Variants in MACROD2 observed in about 807,000 individuals in gnomAD.
The protein encoded by MACROD2 is mono-ADP ribosylhydrolase 2, also known as ADP-ribose glycohydrolase MACROD2.
In MACROD2, 36 loss-of-function variants were observed where a neutral mutation model predicts 70.4. The observed-to-expected ratio is 0.51, with a 90% CI of 0.39 to 0.68. MACROD2 has a LOEUF of 0.68. Among genes scored for constraint, MACROD2 ranks in the 30% least tolerant of loss-of-function variants. The pLI, the probability that MACROD2 is intolerant of heterozygous loss-of-function variation, is 0.00. For missense variants in MACROD2, 496 were observed against 538.4 expected (o/e 0.92, Z 0.78); for synonymous variants, 172 against 178.8 (o/e 0.96, Z 0.30).
chr20:14,424,805 G>A (rs1435773477), intron 3 of MACROD2, among the ~76,000 whole-genome samples: 1 of 152,168 alleles, frequency 6.6e-6, no homozygotes, highest in African/African-American at 2.4e-5. Flanking sequence ...ATTACCAGCT[G>A]TTATAAGGTA....
Position 14,466,864 on chromosome 20 carries a change from C to T in MACROD2, c.272-26615C>T, listed in dbSNP as rs1050220304. Among the ~76,000 whole-genome samples, 81 of 152,192 alleles carry T rather than the reference C, an allele frequency of 5.3e-4. 2 individuals are homozygous for T. Among genetic ancestry groups the T allele is most frequent in the African/African-American group, 1.7e-3 (69 of 41,476 alleles). ...CAGAACAGCAGATATTGGTGAACCA[C>T]AAATGCTGCTGCCTGATCGTTCCTC... On this transcript the variant is annotated intron_variant, in intron 3 of 17. Transcript: ENST00000684519.
intron 5 of MACROD2, among the ~76,000 whole-genome samples, chr20:14,692,886 TG>T (rs1451480421): frequency 6.6e-6 from 1 of 152,234 alleles, no homozygotes; most frequent in Non-Finnish European, 1.5e-5. Flanking sequence ...AATGGCTTTG[TG>T]ATGAAATAAC....
intron 6 of MACROD2, among the ~76,000 whole-genome samples, chr20:15,349,783 A>G (rs567359177): frequency 1.1e-3 from 169 of 151,756 alleles, no homozygotes; most frequent in Non-Finnish European, 1.8e-3. Context: ...ACCACGAAAA[A>G]TTATGGTGAA....
intron 6 of MACROD2, among the ~76,000 whole-genome samples, chr20:15,355,043 A>C (rs921942384): frequency 6.6e-6 from 1 of 152,196 alleles, no homozygotes; most frequent in Non-Finnish European, 1.5e-5. Flanking sequence ...AAGTGACCTG[A>C]AGTTTCATAG....
intron 5 of MACROD2, among the ~76,000 whole-genome samples, chr20:15,001,704 TG>T (rs770908097): frequency 4.7e-4 from 71 of 152,112 alleles, no homozygotes; most frequent in Admixed American, 7.9e-4. Context: ...TCTTATTTTT[TG>T]TTTTTTTTTA....
chr20:14,372,154 G>A (rs1187218507), intron 3 of MACROD2, among the ~76,000 whole-genome samples: 1 of 152,110 alleles, frequency 6.6e-6, no homozygotes, highest in Admixed American at 6.5e-5. Flanking sequence ...GTGCTTGTGT[G>A]TTGTATGAAC....
chr20:14,166,626 G>T (rs1210576867), intron 3 of MACROD2, among the ~76,000 whole-genome samples: 1 of 152,118 alleles, frequency 6.6e-6, no homozygotes. Flanking sequence ...CAGCATGTCT[G>T]AAATCAATTT....
At chr20:15,303,752 C>T (rs1049668410) in intron 6 of MACROD2, among the ~76,000 whole-genome samples, 4 of 152,090 alleles carry the variant, frequency 2.6e-5, no homozygotes, top group African/African-American at 9.7e-5. Flanking sequence ...CTTTATGCAC[C>T]GTATTTTTTT....
At chr20:15,410,690 G>A (rs1457124507) in intron 6 of MACROD2, among the ~76,000 whole-genome samples, 1 of 150,586 alleles carries the variant, frequency 6.6e-6, no homozygotes, top group South Asian at 2.1e-4. Flanking sequence ...CAATGAGGAA[G>A]TAGCCACAAA....
intron 5 of MACROD2, among the ~76,000 whole-genome samples, chr20:15,195,206 A>G (rs751794106): frequency 6.6e-6 from 1 of 152,244 alleles, no homozygotes; most frequent in Non-Finnish European, 1.5e-5. Flanking sequence ...ACCAGAAGCA[A>G]TTTCAGCAAA....
chr20:15,649,141 CTCTTTCTT>C (rs1168576222), intron 8 of MACROD2, among the ~76,000 whole-genome samples: 1 of 129,672 alleles, frequency 7.7e-6, no homozygotes, highest in Non-Finnish European at 1.6e-5. Context: ...CCTTCCCTTC[CTCTTTCTT>C]TCTTTTCTTT....
intron 5 of MACROD2, among the ~76,000 whole-genome samples, chr20:14,807,031 G>T (rs549739828): frequency 1.3e-5 from 2 of 152,218 alleles, no homozygotes; most frequent in South Asian, 4.1e-4. Flanking sequence ...AGACTTAAAC[G>T]TTCCTTCCTG....
At chr20:15,319,366 G>C (rs912721286) in intron 6 of MACROD2, among the ~76,000 whole-genome samples, 2 of 152,148 alleles carry the variant, frequency 1.3e-5, no homozygotes, top group African/African-American at 4.8e-5. Flanking sequence ...AAATTGTTAA[G>C]ATGGCAAAAA....
At position 14,105,302 on chromosome 20, in the gene MACROD2, C is replaced by T. The variant is rs575949551; in HGVS notation, c.271+19574C>T. ...CCAATGCCACCTCAGCCCCATTCCT[C>T]GGCATTGGCTATGTGGTACAGAGAA... is the stretch of plus-strand genomic sequence containing the variant. On this transcript the variant is annotated intron_variant, in intron 3 of 17. Transcript: ENST00000684519. Among the ~76,000 whole-genome samples, 11 of 152,290 alleles carry T rather than the reference C, an allele frequency of 7.2e-5. No homozygotes were observed. The East Asian group carries it at 1.5e-3, about 21-fold the overall frequency.
chr20:14,365,862 T>C (rs6079401), intron 3 of MACROD2, among the ~76,000 whole-genome samples: 57,885 of 152,094 alleles, frequency 0.38, 12,539 homozygotes, highest in Non-Finnish European at 0.49. Context: ...TTTGGCCTAA[T>C]AGTTGGTTAA....
chr20:14,126,538 T>G (rs535867208), intron 3 of MACROD2, among the ~76,000 whole-genome samples: 2 of 151,854 alleles, frequency 1.3e-5, no homozygotes, highest in East Asian at 3.9e-4. Flanking sequence ...TTAAAGCAAA[T>G]TAAAGGTTTG....
chr20:14,105,299 C>T (rs1313726195), intron 3 of MACROD2, among the ~76,000 whole-genome samples: 1 of 152,200 alleles, frequency 6.6e-6, no homozygotes, highest in Non-Finnish European at 1.5e-5. Context: ...CAGCCCCATT[C>T]CTCGGCATTG....
At chr20:14,632,759 G>A (rs1158523277) in intron 4 of MACROD2, among the ~76,000 whole-genome samples, 6 of 152,084 alleles carry the variant, frequency 3.9e-5, no homozygotes, top group East Asian at 3.8e-4. Context: ...CTCTAACTCC[G>A]AAGAACTTTG....
intron 3 of MACROD2, among the ~76,000 whole-genome samples, chr20:14,215,845 C>G (rs1437965758): frequency 6.6e-6 from 1 of 152,010 alleles, no homozygotes; most frequent in Non-Finnish European, 1.5e-5. Context: ...CCTTAGCCCA[C>G]TTTTTGATGG....
Sources: allele counts gnomAD v4.1 joint callset (sites outside exome capture counted in the v4.1 genomes callset), GRCh38; gene constraint gnomAD v4.1.1; transcripts MANE v1.5; gene names NCBI Gene and HGNC (gene_info 2026-07-23, HGNC 2026-07-21).